Variants in IKBKB observed in about 807,000 individuals in gnomAD.
The protein encoded by IKBKB is inhibitor of nuclear factor kappa B kinase subunit beta, also known as inhibitor of nuclear factor kappa-B kinase subunit beta.
Under a neutral mutation model 113.6 loss-of-function variants are expected in IKBKB, and 42 were observed. The ratio of observed to expected loss-of-function variants is 0.37; its 90% confidence interval spans 0.29 to 0.48. The LOEUF (loss-of-function observed/expected upper bound fraction) is 0.48, where lower values mean the gene tolerates loss of function less well. Among genes scored for constraint, IKBKB ranks in the 20% least tolerant of loss-of-function variants. The pLI, the probability that IKBKB is intolerant of heterozygous loss-of-function variation, is 0.99. For missense variants in IKBKB, 673 were observed against 939.7 expected (o/e 0.72, Z 3.71); for synonymous variants, 296 against 361.3 (o/e 0.82, Z 2.05).
chr8:42,310,397 C>G (rs897626106), intron 8 of IKBKB, among the ~76,000 whole-genome samples: 7 of 152,140 alleles, frequency 4.6e-5, no homozygotes, highest in African/African-American at 1.7e-4. Flanking sequence ...CCAAGGTGTT[C>G]GTATCTTCCA....
chr8:42,325,942 C>T (rs202018713), intron 19 of IKBKB, 28 bp from the exon 20 acceptor site: 6 of 1,612,884 alleles, frequency 3.7e-6, no homozygotes, highest in Non-Finnish European at 5.1e-6. Flanking sequence ...TCACTTGGCT[C>T]CTAATTTCTT....
rs76421174 is a variant in IKBKB, at chr8:42,301,038, G to T, written c.389-4149G>T. 6.2e-4 allele frequency among the ~76,000 whole-genome samples: 94 copies of T among 150,614 alleles called. 1 individual carries two copies. The South Asian group carries it at 0.016, about 25-fold the overall frequency. On this transcript the variant is annotated intron_variant, in intron 5 of 21. Coordinates refer to ENST00000520810, the MANE Select transcript of IKBKB (RefSeq NM_001556.3). ...CTGGCTAATTAAAATTTTTTTTTTT[G>T]TAGAGACAGGGTCTTGCTATATTGC...
Position 42,316,790 on chromosome 8 carries a change from G to C in IKBKB, c.1011G>C (p.Lys337Asn). 1 of 1,614,136 alleles carries C rather than the reference G, an allele frequency of 6.2e-7. No homozygotes were observed. The highest frequency in any genetic ancestry group is 8.5e-7 in the Non-Finnish European group (1 of 1,180,024). The part of the protein sequence containing the change: ...VTEDESLQSL[K>N]ARIQQDTGIP... ...AGGATGAGAGTCTGCAGAGCTTGAAGGCCAGAATCCAACAGGACACGGGCA... is the reference window on the plus strand; with the variant it reads ...AGGATGAGAGTCTGCAGAGCTTGAACGCCAGAATCCAACAGGACACGGGCA... The change falls in exon 11 of 22, where the codon AAG (lysine) becomes AAC (asparagine). Residue 337 changes from lysine to asparagine, a missense_variant. This residue lies in a region of IKBKB where 506 missense variants were observed against 638.7 expected (regional missense o/e 0.79). Transcript: ENST00000520810. This position sits in a 1 kb window ranked among gnomAD's most constrained non-coding sequence, Gnocchi z 4.5.
chr8:42,286,086 C>T (rs181174466), intron 2 of IKBKB, among the ~76,000 whole-genome samples: 8 of 152,198 alleles, frequency 5.3e-5, no homozygotes, highest in Non-Finnish European at 1.2e-4. Flanking sequence ...CTCAATAGAG[C>T]TGTTAAAAAA....
intron 2 of IKBKB, among the ~76,000 whole-genome samples, chr8:42,284,771 C>T (rs542876537): frequency 5.9e-5 from 9 of 151,536 alleles, no homozygotes; most frequent in East Asian, 1.9e-4. Context: ...AGCAAATTCA[C>T]GTCAGCCTGA....
intron 8 of IKBKB, among the ~76,000 whole-genome samples, chr8:42,310,537 C>T (rs1207406416): frequency 1.3e-5 from 2 of 152,206 alleles, no homozygotes; most frequent in African/African-American, 2.4e-5. Flanking sequence ...AAGCTTTTCA[C>T]ACCATGAGAA....
In IKBKB at chr8:42,316,772, G is replaced by A. The variant is rs1818761737; in HGVS notation, c.993G>A (p.Glu331=). 6.2e-7 allele frequency: 1 copy of A among 1,614,050 alleles called. No homozygotes were observed. The highest frequency in any genetic ancestry group is 1.3e-5 in the African/African-American group (1 of 74,914). The change falls in exon 11 of 22, where the codon GAG becomes GAA. Residue 331 remains glutamate, a synonymous_variant. Transcript: ENST00000520810. This position sits in a 1 kb window ranked among gnomAD's most constrained non-coding sequence, Gnocchi z 4.5. The part of the protein sequence containing the change: ...TIHTYPVTED[E]SLQSLKARIQ... ...ACACCTACCCTGTGACAGAGGATGA[G>A]AGTCTGCAGAGCTTGAAGGCCAGAA...
At chr8:42,297,848 T>C (rs1563323986) in intron 5 of IKBKB, among the ~76,000 whole-genome samples, 1 of 151,786 alleles carries the variant, frequency 6.6e-6, no homozygotes, top group Admixed American at 6.6e-5. Context: ...TGAGCCGAGA[T>C]CGCGCCATTG....
chr8:42,301,261 T>C (rs1238208980), intron 5 of IKBKB, among the ~76,000 whole-genome samples: 2 of 152,246 alleles, frequency 1.3e-5, no homozygotes, highest in East Asian at 3.8e-4. Context: ...TTTTATGCTT[T>C]GTGGTGTGGC....
chr8:42,297,863 C>G (rs1048667436), intron 5 of IKBKB, among the ~76,000 whole-genome samples: 1 of 152,090 alleles, frequency 6.6e-6, no homozygotes, highest in Non-Finnish European at 1.5e-5. Context: ...CCATTGCACT[C>G]CAGCCTGGCA....
intron 20 of IKBKB, among the ~76,000 whole-genome samples, chr8:42,327,015 A>G (rs1820869745): frequency 6.6e-6 from 1 of 152,170 alleles, no homozygotes; most frequent in South Asian, 2.1e-4. Context: ...GATGACGAAA[A>G]CATTCTGAAA....
rs35281996 is a variant in IKBKB, at chr8:42,288,390, C to CA, written c.106-231dup. ...CGACAGAGCAAGACTCCATCTCAAA[C>CA]AAAAAAAAAAAAAGAGAGAGAAAGA... On this transcript the variant is annotated intron_variant, in intron 2 of 21. Coordinates refer to ENST00000520810, the MANE Select transcript of IKBKB (RefSeq NM_001556.3). 2.0e-3 allele frequency among the ~76,000 whole-genome samples: 276 copies of CA among 136,468 alleles called. 1 individual carries two copies. Among genetic ancestry groups the CA allele is most frequent in the African/African-American group, 7.5e-3 (255 of 33,962 alleles). 89.5% of individuals were successfully genotyped at this position (136,468 alleles called of 152,430 possible). A position where few individuals can be genotyped will look rare whatever the true frequency, so the allele number is the denominator to read the frequency against.
At chr8:42,290,054 C>T in intron 3 of IKBKB, 102 bp from the exon 4 acceptor site, 2 of 812,458 alleles carry the variant, frequency 2.5e-6, no homozygotes, top group South Asian at 1.6e-5. Context: ...GTTTCAAAGC[C>T]CTGGGTTATC....
chr8:42,295,334 G>A (rs1264628041), intron 5 of IKBKB, among the ~76,000 whole-genome samples: 1 of 152,062 alleles, frequency 6.6e-6, no homozygotes, highest in Non-Finnish European at 1.5e-5. Flanking sequence ...GGCCAGGATG[G>A]TCTCGAACTC....
Position 42,271,393 on chromosome 8 carries a change from G to T in IKBKB, c.-95G>T, listed in dbSNP as rs779507024. ...TTAATGTTTTCAGGGGGGTGTCATAGCCCCGGGTTTGGCCGCCCCAGCCCC... is the reference window on the plus strand; with the variant it reads ...TTAATGTTTTCAGGGGGGTGTCATATCCCCGGGTTTGGCCGCCCCAGCCCC... On this transcript the variant is annotated 5_prime_UTR_variant, in exon 1 of 22. Coordinates refer to ENST00000520810, the MANE Select transcript of IKBKB (RefSeq NM_001556.3). The T allele has an allele frequency of 2.0e-6, 3 of 1,514,696 alleles. No individual in the cohort carries two copies. Among genetic ancestry groups the T allele is most frequent in the African/African-American group, 1.4e-5 (1 of 72,154 alleles). The allele number at this position is 1,514,696 out of a possible 1,614,324, so 93.8% of individuals were successfully genotyped here.
At chr8:42,301,792 A>T (rs767703993) in intron 5 of IKBKB, among the ~76,000 whole-genome samples, 1 of 152,094 alleles carries the variant, frequency 6.6e-6, no homozygotes, top group Non-Finnish European at 1.5e-5. Flanking sequence ...TGGCGTAGAG[A>T]GCGGTGCCTT....
intron 20 of IKBKB, among the ~76,000 whole-genome samples, chr8:42,327,592 CAAAGTGCTG>C (rs1821009899): frequency 6.6e-6 from 1 of 150,996 alleles, no homozygotes; most frequent in Non-Finnish European, 1.5e-5. Context: ...CTCAGCCTCC[CAAAGTGCTG>C]GGATTACAGG....
chr8:42,299,566 A>G (rs934146337), intron 5 of IKBKB, among the ~76,000 whole-genome samples: 3 of 150,486 alleles, frequency 2.0e-5, no homozygotes, highest in Admixed American at 6.6e-5. Context: ...CACAGAACCC[A>G]CCTGCCAGCC....
chr8:42,296,632 A>G (rs1813889658), intron 5 of IKBKB, among the ~76,000 whole-genome samples: 1 of 150,202 alleles, frequency 6.7e-6, no homozygotes, highest in South Asian at 2.1e-4. Flanking sequence ...CTGGGCAACA[A>G]GAGTGAAACT....
Sources: gnomAD v4.1 joint callset for allele counts (sites outside exome capture counted in the v4.1 genomes callset) on GRCh38, gnomAD v4.1.1 for gene constraint, gnomAD v4.1.1 regional missense constraint, Gnocchi (gnomAD v3.1) non-coding constraint, MANE v1.5 for transcripts, NCBI Gene and HGNC (gene_info 2026-07-23, HGNC 2026-07-21) for gene names.